ABHD13: variants seen among roughly 807,000 people sequenced by gnomAD.
The protein encoded by ABHD13 is abhydrolase domain containing 13, also known as protein ABHD13.
Under a neutral mutation model 25.2 loss-of-function variants are expected in ABHD13, and 7 were observed. The ratio of observed to expected loss-of-function variants is 0.28; its 90% confidence interval spans 0.16 to 0.52. ABHD13 has a LOEUF of 0.52. Ranked by LOEUF, ABHD13 falls within the 20% of genes least tolerant of loss-of-function variation. The probability of loss-of-function intolerance (pLI) is 0.96; values close to 1 mark genes in which losing one functional copy is unlikely to be tolerated. For missense variants in ABHD13, 302 were observed against 402.7 expected (o/e 0.75, Z 2.14); for synonymous variants, 133 against 136.1 (o/e 0.98, Z 0.16).
In ABHD13 at chr13:108,229,609, T is replaced by C; in HGVS notation, c.391T>C (p.Leu131=). Residue 131 remains leucine, a synonymous_variant, in exon 2 of 2, where the codon TTG becomes CTG. Coordinates refer to ENST00000375898, the MANE Select transcript of ABHD13 (RefSeq NM_032859.3). This position sits in a 1 kb window ranked among gnomAD's most constrained non-coding sequence, Gnocchi z 4.7. The part of the protein sequence containing the change: ...HGNAGNIGHR[L]PNALLMLVNL... Reference sequence around the variant, plus strand: ...GAATGCAGGCAACATAGGTCACAGGTTGCCAAATGCATTACTTATGTTGGT... The same window carrying C: ...GAATGCAGGCAACATAGGTCACAGGCTGCCAAATGCATTACTTATGTTGGT... The C allele has an allele frequency of 6.2e-7, 1 of 1,613,308 alleles. No homozygotes were observed. Among genetic ancestry groups the C allele is most frequent in the Non-Finnish European group, 8.5e-7 (1 of 1,179,570 alleles).
chr13:108,231,835 ATAAAT>A lies in ABHD13; in HGVS notation c.*1606_*1610del, dbSNP rs937988359. 1.0e-4 allele frequency: 17 copies of A among 165,760 alleles called. No homozygotes were observed. Among genetic ancestry groups the A allele is most frequent in the African/African-American group, 1.7e-4 (7 of 41,192 alleles). The allele number at this position is 165,760 out of a possible 1,614,324, so 10.3% of individuals were successfully genotyped here. A position where few individuals can be genotyped will look rare whatever the true frequency, so the allele number is the denominator to read the frequency against. On this transcript the variant is annotated 3_prime_UTR_variant, in exon 2 of 2. Transcript: ENST00000375898. The stretch of plus-strand genomic sequence containing the variant: ...CACTTTATGCCGGTATTTAGAAAAA[ATAAAT>A]TATAGCAAGTATGATTTCTAAGAAT...
At chr13:108,227,095 T>G (rs1047189902) in intron 1 of ABHD13, among the ~76,000 whole-genome samples, 2 of 152,144 alleles carry the variant, frequency 1.3e-5, no homozygotes, top group African/African-American at 2.4e-5. Context: ...AACAACTGAT[T>G]GTGAGATTAT....
At chr13:108,221,471 T>C (rs1250787984) in intron 1 of ABHD13, among the ~76,000 whole-genome samples, 3 of 152,180 alleles carry the variant, frequency 2.0e-5, no homozygotes, top group East Asian at 1.9e-4. Context: ...AATGAGCCCA[T>C]GGGGTGTGGG....
intron 1 of ABHD13, among the ~76,000 whole-genome samples, chr13:108,225,843 G>A (rs974023547): frequency 3.9e-5 from 6 of 152,272 alleles, no homozygotes; most frequent in Non-Finnish European, 7.4e-5. Context: ...TATTCTACAT[G>A]GAACAGGTCT....
At chr13:108,224,497 C>G (rs182200527) in intron 1 of ABHD13, among the ~76,000 whole-genome samples, 18 of 152,260 alleles carry the variant, frequency 1.2e-4, no homozygotes, top group Admixed American at 4.6e-4. Flanking sequence ...TCTAAAGCAT[C>G]AGTTTATAAA....
rs1304893752 is a variant in ABHD13, at chr13:108,229,475, A to G, written c.257A>G (p.His86Arg). The G allele has an allele frequency of 5.0e-6, 8 of 1,613,554 alleles. No individual in the cohort carries two copies. Among genetic ancestry groups the G allele is most frequent in the South Asian group, 4.4e-5 (4 of 91,062 alleles). The change falls in exon 2 of 2, where the codon CAT (histidine) becomes CGT (arginine). Residue 86 changes from histidine (H) to arginine (R), a missense_variant. Coordinates refer to ENST00000375898, the MANE Select transcript of ABHD13 (RefSeq NM_032859.3). The surrounding 1 kb of genome is among the most constrained non-coding windows in gnomAD (Gnocchi z 4.7). ...LYVPMPTGIP[H>R]ENIFIRTKDG... ...GTTCCCATGCCCACTGGCATTCCACATGAAAACATTTTCATCAGAACCAAA... is the reference window on the plus strand; with the variant it reads ...GTTCCCATGCCCACTGGCATTCCACGTGAAAACATTTTCATCAGAACCAAA...
At chr13:108,220,755 A>C (rs67952778) in intron 1 of ABHD13, among the ~76,000 whole-genome samples, 7,111 of 152,294 alleles carry the variant, frequency 0.047, 187 homozygotes, top group East Asian at 0.11. Flanking sequence ...AGATACTTCT[A>C]GTAAGGCTTC....
chr13:108,218,926 A>G (rs1286606416), intron 1 of ABHD13, among the ~76,000 whole-genome samples: 2 of 152,116 alleles, frequency 1.3e-5, no homozygotes, highest in Non-Finnish European at 2.9e-5. Context: ...ACTGAAGCCA[A>G]ATACCTGTTT....
intron 1 of ABHD13, among the ~76,000 whole-genome samples, chr13:108,225,998 C>A (rs1259463666): frequency 6.6e-6 from 1 of 152,098 alleles, no homozygotes; most frequent in East Asian, 1.9e-4. Context: ...AATACATCTC[C>A]TCTGAAGACA....
In ABHD13 at chr13:108,233,483, C is replaced by A. The variant is rs1019582567; in HGVS notation, c.*3251C>A. On this transcript the variant is annotated 3_prime_UTR_variant, in exon 2 of 2. Transcript: ENST00000375898. Reference sequence around the variant, plus strand: ...GTCATGATTGAGATACTGAACTCTTCCACTCATTCTTCTTTCCCATTTTCC... The same window carrying A: ...GTCATGATTGAGATACTGAACTCTTACACTCATTCTTCTTTCCCATTTTCC... 13 of 165,946 alleles carry A rather than the reference C, an allele frequency of 7.8e-5. No homozygotes were observed. Among genetic ancestry groups the A allele is most frequent in the Non-Finnish European group, 1.6e-4 (11 of 67,626 alleles). The allele number at this position is 165,946 out of a possible 1,614,324, so 10.3% of individuals were successfully genotyped here. A position where few individuals can be genotyped will look rare whatever the true frequency, so the allele number is the denominator to read the frequency against.
chr13:108,226,174 A>G (rs1036768530), intron 1 of ABHD13, among the ~76,000 whole-genome samples: 1 of 151,862 alleles, frequency 6.6e-6, no homozygotes, highest in Non-Finnish European at 1.5e-5. Context: ...TGAAAACCCA[A>G]CATGTCAGTG....
intron 1 of ABHD13, among the ~76,000 whole-genome samples, chr13:108,225,586 A>C (rs1879656274): frequency 6.6e-6 from 1 of 152,142 alleles, no homozygotes; most frequent in South Asian, 2.1e-4. Flanking sequence ...TCATTATGAG[A>C]AGTCAGTCAG....
Position 108,231,846 on chromosome 13 carries a change from C to T in ABHD13, c.*1614C>T, listed in dbSNP as rs2139016433. The stretch of plus-strand genomic sequence containing the variant: ...GGTATTTAGAAAAAATAAATTATAG[C>T]AAGTATGATTTCTAAGAATGTTTTT... On this transcript the variant is annotated 3_prime_UTR_variant, in exon 2 of 2. Transcript: ENST00000375898. 1 of 161,268 alleles carries T rather than the reference C, an allele frequency of 6.2e-6. No individual in the cohort carries two copies. Among genetic ancestry groups the T allele is most frequent in the African/African-American group, 2.5e-5 (1 of 40,530 alleles). The allele number at this position is 161,268 out of a possible 1,614,324, so 10.0% of individuals were successfully genotyped here. A position where few individuals can be genotyped will look rare whatever the true frequency, so the allele number is the denominator to read the frequency against.
Position 108,229,138 on chromosome 13 carries a change from G to A in ABHD13, c.-20-61G>A, listed in dbSNP as rs1594491966. ...GCCTAGTACCATAGTTTATTATATT[G>A]TGGATTTTTAAAAGAATAGATAGAC... On this transcript the variant is annotated intron_variant, in intron 1 of 1. Transcript: ENST00000375898. This position sits in a 1 kb window ranked among gnomAD's most constrained non-coding sequence, Gnocchi z 4.7. 1 of 1,295,284 alleles carries A rather than the reference G, an allele frequency of 7.7e-7. No individual in the cohort carries two copies. The highest frequency in any genetic ancestry group is 2.4e-5 in the East Asian group (1 of 42,002). 80.2% of individuals were successfully genotyped at this position (1,295,284 alleles called of 1,614,324 possible).
At position 108,222,435 on chromosome 13, in the gene ABHD13, TA is replaced by T. The variant is rs371520739; in HGVS notation, c.-21+3783del. Reference sequence around the variant, plus strand: ...TATATGTTATAATGCAGAAAGGATTTAAAAAAATGTAATATATCTTTCTTAA... The same window carrying T: ...TATATGTTATAATGCAGAAAGGATTTAAAAAATGTAATATATCTTTCTTAA... On this transcript the variant is annotated intron_variant, in intron 1 of 1. Transcript: ENST00000375898. 7.1e-4 allele frequency among the ~76,000 whole-genome samples: 108 copies of T among 152,158 alleles called. 1 individual carries two copies. In the East Asian group the frequency reaches 0.014, roughly 19 times the overall value.
chr13:108,231,802 T>A lies in ABHD13; in HGVS notation c.*1570T>A, dbSNP rs1184864892. ...CTAGAAATACTTTTGCCAAATAGCA[T>A]TCTTATTCACTTTATGCCGGTATTT... On this transcript the variant is annotated 3_prime_UTR_variant, in exon 2 of 2. Transcript: ENST00000375898. The A allele has an allele frequency of 6.0e-6, 1 of 166,836 alleles. No homozygotes were observed. The highest frequency in any genetic ancestry group is 2.4e-5 in the African/African-American group (1 of 41,444). 10.3% of individuals were successfully genotyped at this position (166,836 alleles called of 1,614,324 possible).
rs1392841720 is a variant in ABHD13 at position 108,232,430 on chromosome 13, C to G, written c.*2198C>G. The G allele has an allele frequency of 6.0e-6, 1 of 166,864 alleles. No individual in the cohort carries two copies. The highest frequency in any genetic ancestry group is 2.4e-5 in the African/African-American group (1 of 41,410). The allele number at this position is 166,864 out of a possible 1,614,324, so 10.3% of individuals were successfully genotyped here. On this transcript the variant is annotated 3_prime_UTR_variant, in exon 2 of 2. Coordinates refer to ENST00000375898, the MANE Select transcript of ABHD13 (RefSeq NM_032859.3). ...CTAGCATCTGTATTTGAGACTGTTT[C>G]CTTAGATGGGTAAGAGGTGGAAAAC... is the stretch of plus-strand genomic sequence containing the variant.
chr13:108,219,653 C>T (rs1042549355), intron 1 of ABHD13, among the ~76,000 whole-genome samples: 1 of 152,200 alleles, frequency 6.6e-6, no homozygotes, highest in Admixed American at 6.5e-5. Flanking sequence ...ATGCATCAGG[C>T]ACTGCTGCGT....
chr13:108,229,924 C>T lies in ABHD13; in HGVS notation c.706C>T (p.Arg236Cys), dbSNP rs775164089. 6.2e-6 allele frequency: 10 copies of T among 1,613,056 alleles called. No individual in the cohort carries two copies. Among genetic ancestry groups the T allele is most frequent in the South Asian group, 2.2e-5 (2 of 91,058 alleles). Residue 236 changes from arginine (R) to cysteine (C), a missense_variant, in exon 2 of 2, where the codon CGT becomes TGT. Coordinates refer to ENST00000375898, the MANE Select transcript of ABHD13 (RefSeq NM_032859.3). This position sits in a 1 kb window ranked among gnomAD's most constrained non-coding sequence, Gnocchi z 4.7. ...ASTLFSFFPM[R>C]YLPLWCYKNK... ...CACTTTATTTTCATTCTTTCCGATG[C>T]GTTACCTTCCTTTATGGTGCTACAA...
Sources: allele counts gnomAD v4.1 joint callset (sites outside exome capture counted in the v4.1 genomes callset), GRCh38; gene constraint gnomAD v4.1.1; non-coding constraint Gnocchi (gnomAD v3.1); transcripts MANE v1.5; gene names NCBI Gene and HGNC (gene_info 2026-07-23, HGNC 2026-07-21).